Variants in DPP6 observed in about 807,000 individuals in gnomAD.
DPP6 encodes the protein A-type potassium channel modulatory protein DPP6.
Under a neutral mutation model 122.6 loss-of-function variants are expected in DPP6, and 69 were observed. The ratio of observed to expected loss-of-function variants is 0.56; its 90% CI spans 0.46 to 0.69. The LOEUF is 0.69. Among genes scored for constraint, DPP6 ranks in the 30% least tolerant of loss-of-function variants. The pLI, the probability that DPP6 is intolerant of heterozygous loss-of-function variation, is 0.00. For missense variants in DPP6, 928 were observed against 1,116.9 expected, an observed-to-expected ratio of 0.83 and a Z score of 2.41; for synonymous variants, 418 against 433.1, an observed-to-expected ratio of 0.97 and a Z score of 0.43.
intron 6 of DPP6, among the ~76,000 whole-genome samples, chr7:154,668,275 T>C (rs7805245): frequency 0.85 from 112,470 of 133,018 alleles, 47,998 homozygotes; most frequent in East Asian, 0.98. Flanking sequence ...GGCTACAGTG[T>C]AGTGGCATGA....
At chr7:154,841,709 A>G (rs1801560546) in intron 16 of DPP6, among the ~76,000 whole-genome samples, 1 of 151,692 alleles carries the variant, frequency 6.6e-6, no homozygotes, top group African/African-American at 2.4e-5. Flanking sequence ...TCAACGTGCC[A>G]TTGCCTCCCC....
chr7:154,008,223 C>T (rs907872321), intron 1 of DPP6, among the ~76,000 whole-genome samples: 3 of 152,278 alleles, frequency 2.0e-5, no homozygotes, highest in Non-Finnish European at 4.4e-5. Context: ...CAAAAGTCCA[C>T]ACCCCTGAGA....
intron 1 of DPP6, chr7:154,094,854 G>A (rs536136995): frequency 6.6e-6 from 1 of 152,436 alleles, no homozygotes; most frequent in African/African-American, 2.4e-5. Context: ...GTTCTCACAT[G>A]TTTCCAAAGG....
intron 7 of DPP6, among the ~76,000 whole-genome samples, chr7:154,701,281 C>G (rs1305950630): frequency 1.3e-5 from 2 of 152,196 alleles, no homozygotes; most frequent in African/African-American, 4.8e-5. Flanking sequence ...TCATCAACAG[C>G]CCCCTTGTGC....
At chr7:154,373,646 T>C (rs1481348441) in intron 1 of DPP6, among the ~76,000 whole-genome samples, 1 of 152,228 alleles carries the variant, frequency 6.6e-6, no homozygotes, top group African/African-American at 2.4e-5. Flanking sequence ...CATACTAACA[T>C]TGACCATCTT....
At chr7:154,803,699 G>A (rs1185765436) in intron 13 of DPP6, among the ~76,000 whole-genome samples, 165 bp from the exon 14 acceptor site, 1 of 152,168 alleles carries the variant, frequency 6.6e-6, no homozygotes, top group African/African-American at 2.4e-5. Flanking sequence ...CCTCAAGGAG[G>A]ATGTTGCCTC....
At chr7:154,882,283 C>T (rs1805451133) in intron 21 of DPP6, among the ~76,000 whole-genome samples, 1 of 152,226 alleles carries the variant, frequency 6.6e-6, no homozygotes, top group South Asian at 2.1e-4. Context: ...ACCCTGTACC[C>T]CCGCACTCAG....
intron 1 of DPP6, among the ~76,000 whole-genome samples, chr7:154,370,969 C>G (rs940867389): frequency 2.6e-5 from 4 of 152,180 alleles, no homozygotes; most frequent in Non-Finnish European, 4.4e-5. Flanking sequence ...CCTGAGCATT[C>G]TGAGGAGCCT....
intron 1 of DPP6, among the ~76,000 whole-genome samples, chr7:154,339,049 C>A (rs998695206): frequency 6.6e-6 from 1 of 152,194 alleles, no homozygotes; most frequent in Admixed American, 6.5e-5. Context: ...TGGCTGTGAA[C>A]AGGCCAGATT....
chr7:153,960,026 C>T (rs187075712), intron 1 of DPP6, among the ~76,000 whole-genome samples: 255 of 152,244 alleles, frequency 1.7e-3, no homozygotes, highest in Middle Eastern at 3.4e-3. Context: ...AGTTCAATAT[C>T]AGTGTTGCTT....
intron 1 of DPP6, among the ~76,000 whole-genome samples, chr7:154,279,912 C>A (rs978337514): frequency 2.6e-5 from 4 of 152,016 alleles, no homozygotes; most frequent in Non-Finnish European, 5.9e-5. Flanking sequence ...GTTTTTTTAC[C>A]CATTGAGATA....
At chr7:154,695,552 C>G (rs1840169537) in intron 7 of DPP6, among the ~76,000 whole-genome samples, 1 of 152,146 alleles carries the variant, frequency 6.6e-6, no homozygotes, top group South Asian at 2.1e-4. Flanking sequence ...AAGTAATCCT[C>G]TAAATCACAT....
chr7:154,373,667 C>T (rs747047416), intron 1 of DPP6, among the ~76,000 whole-genome samples: 5 of 152,176 alleles, frequency 3.3e-5, no homozygotes, highest in Admixed American at 6.5e-5. Context: ...AGCCATTTTT[C>T]AGTGCCCAGT....
chr7:154,843,022 G>A (rs192491362), intron 16 of DPP6, among the ~76,000 whole-genome samples: 7 of 152,334 alleles, frequency 4.6e-5, no homozygotes, highest in East Asian at 3.9e-4. Flanking sequence ...TTGGGAACAC[G>A]CACATAAGAG....
intron 8 of DPP6, among the ~76,000 whole-genome samples, chr7:154,741,698 AAGGACAAGGCAGCC>A (rs1842828909): frequency 6.6e-6 from 1 of 152,130 alleles, no homozygotes; most frequent in African/African-American, 2.4e-5. Context: ...ATCCAACCCT[AAGGACAAGGCAGCC>A]AGGCCAGCTG....
chr7:154,197,827 C>G (rs560069329), intron 1 of DPP6, among the ~76,000 whole-genome samples: 2 of 152,290 alleles, frequency 1.3e-5, no homozygotes, highest in East Asian at 1.9e-4. Context: ...CCCACCTGAT[C>G]CTAACAGCAT....
At chr7:154,240,847 T>C (rs1318263778) in intron 1 of DPP6, among the ~76,000 whole-genome samples, 1 of 152,206 alleles carries the variant, frequency 6.6e-6, no homozygotes, top group Non-Finnish European at 1.5e-5. Flanking sequence ...CAGTGGATTT[T>C]ATGTAGGATA....
chr7:154,051,993 C>A (rs543372449), upstream of DPP6, among the ~76,000 whole-genome samples: 128 of 148,854 alleles, frequency 8.6e-4, no homozygotes, highest in African/African-American at 3.1e-3. Flanking sequence ...GCGGGGAGCC[C>A]GGCGCCGCAG....
At chr7:154,277,360 AC>A (rs200309334) in intron 1 of DPP6, among the ~76,000 whole-genome samples, 105 of 152,212 alleles carry the variant, frequency 6.9e-4, no homozygotes, top group African/African-American at 2.3e-3. Flanking sequence ...AACAACAACA[AC>A]AAAAAAAACA....
Sources: gnomAD v4.1 joint callset for allele counts (sites outside exome capture counted in the v4.1 genomes callset) on GRCh38, gnomAD v4.1.1 for gene constraint, MANE v1.5 for transcripts, NCBI Gene and HGNC (gene_info 2026-07-23, HGNC 2026-07-21) for gene names.